The following WDR54 variants were observed in gnomAD, a reference collection of about 807,000 sequenced individuals.
WDR54 encodes WD repeat domain 54.
WDR54 carries 44 observed loss-of-function variants against 44.1 expected under a neutral mutation model. The ratio of observed to expected loss-of-function variants is 1.00; its 90% CI spans 0.78 to 1.28. The LOEUF is 1.28. Among genes scored for constraint, WDR54 ranks in the 50% most tolerant of loss-of-function variants. The pLI, the probability that WDR54 is intolerant of heterozygous loss-of-function variation, is 0.00. For synonymous variants in WDR54, 169 were observed against 169.8 expected (o/e 1.00, Z 0.04); for missense variants, 409 against 429.7 (o/e 0.95, Z 0.43).
rs751332345 is a variant in WDR54 at position 74,425,516 on chromosome 2, T to TG, written c.873+32dup. The TG allele has an allele frequency of 9.3e-6, 15 of 1,613,842 alleles. No individual in the cohort carries two copies. In the South Asian group the frequency reaches 1.1e-4, roughly 12 times the overall value. On this transcript the variant is annotated intron_variant, in intron 9 of 9. Coordinates refer to ENST00000348227, the MANE Select transcript of WDR54 (RefSeq NM_032118.4). ...GGTATGTGTCATGGGGTGGGTGGAA[T>TG]GGGGGGGCCCAAGCATGGGGCAGCA...
At position 74,425,118 on chromosome 2, in the gene WDR54, G is replaced by A; in HGVS notation, c.679G>A (p.Ala227Thr). Reference protein sequence around the residue: ...SVQLWQGIIAAGYGNGQVHLY... With the variant: ...SVQLWQGIIATGYGNGQVHLY... ...GCAGCTGTGGCAGGGGATCATAGCA[G>A]CAGGCTATGGGAACGGACAAGTGCA... Residue 227 changes from alanine to threonine, a missense_variant, in exon 8 of 10, where the codon GCA (alanine) becomes ACA (threonine). By Grantham distance (58) the Ala-to-Thr change is moderately conservative. Coordinates refer to ENST00000348227, the MANE Select transcript of WDR54 (RefSeq NM_032118.4). 1 of 1,581,148 alleles carries A rather than the reference G, an allele frequency of 6.3e-7. No individual in the cohort carries two copies. Among genetic ancestry groups the A allele is most frequent in the Non-Finnish European group, 8.6e-7 (1 of 1,159,790 alleles).
chr2:74,423,557 G>C lies in WDR54; in HGVS notation c.406+26G>C, dbSNP rs757289712. On this transcript the variant is annotated intron_variant, in intron 5 of 9. Transcript: ENST00000348227. ...GTGAGGGAGCCAAGTGCAGGGCATG[G>C]AGGGGTGCTGGGGCATGTGGGCTGT... The C allele has an allele frequency of 1.3e-5, 21 of 1,613,244 alleles. No individual in the cohort carries two copies. In the South Asian group the frequency reaches 1.9e-4, roughly 14 times the overall value.
intron 6 of WDR54, 154 bp downstream of exon 6, chr2:74,424,136 C>A: frequency 1.2e-6 from 1 of 846,286 alleles, no homozygotes; most frequent in Non-Finnish European, 1.8e-6. Context: ...GTGATAAAGC[C>A]AGAGATACTT....
chr2:74,423,524 C>G lies in WDR54; in HGVS notation c.399C>G (p.Ile133Met), dbSNP rs371611800. 6.2e-7 allele frequency: 1 copy of G among 1,613,862 alleles called. No individual in the cohort carries two copies. Among genetic ancestry groups the G allele is most frequent in the Admixed American group, 1.7e-5 (1 of 60,008 alleles). ...GAATTGCTGCCAGTGGCCACTTCAT[C>G]TGTGTGGGTGAGGGAGCCAAGTGCA... ...ARGIAASGHF[I>M]CVGTWSGRVL... Residue 133 changes from isoleucine (I) to methionine (M), a missense_variant, in exon 5 of 10, where the codon ATC becomes ATG. Ile to Met is a conservative substitution (Grantham distance 10). Coordinates refer to ENST00000348227, the MANE Select transcript of WDR54 (RefSeq NM_032118.4).
rs1447819384 is a variant in WDR54 at position 74,422,799 on chromosome 2, A to C, written c.223-71A>C. 10 of 1,413,922 alleles carry C rather than the reference A, an allele frequency of 7.1e-6. No individual in the cohort carries two copies. In the East Asian group the frequency reaches 9.2e-5, roughly 13 times the overall value. 87.6% of individuals were successfully genotyped at this position (1,413,922 alleles called of 1,614,324 possible). On this transcript the variant is annotated intron_variant, in intron 2 of 9. Coordinates refer to ENST00000348227, the MANE Select transcript of WDR54 (RefSeq NM_032118.4). ...CAGAGCAAGACTCCGTCCCCCAAAA[A>C]AAAAAAAAAAACAAACAAACTCATC...
rs1670133935 is a variant in WDR54 at position 74,422,227 on chromosome 2, AGCTGCCGGCTC to A, written c.77_87del (p.Leu26GlnfsTer21). 1 of 1,614,040 alleles carries A rather than the reference AGCTGCCGGCTC, an allele frequency of 6.2e-7. No homozygotes were observed. Among genetic ancestry groups the A allele is most frequent in the Non-Finnish European group, 8.5e-7 (1 of 1,180,040 alleles). ...CTGTGCAACAACCTCAGTGTGCTGC[AGCTGCCGGCTC>A]GCAACCTCACGTATTTTGGCGTGGT... is the stretch of plus-strand genomic sequence containing the variant. On this transcript the variant is annotated frameshift_variant, in exon 2 of 10. Coordinates refer to ENST00000348227, the MANE Select transcript of WDR54 (RefSeq NM_032118.4). LOFTEE classifies it high-confidence loss of function.
At position 74,422,357 on chromosome 2, in the gene WDR54, T is replaced by TC. The variant is rs1353165194; in HGVS notation, c.209dup (p.Leu71ThrfsTer76). 6 of 1,612,606 alleles carry TC rather than the reference T, an allele frequency of 3.7e-6. No individual in the cohort carries two copies. The highest frequency in any genetic ancestry group is 1.1e-5 in the South Asian group (1 of 90,988). On this transcript the variant is annotated frameshift_variant, in exon 2 of 10. Coordinates refer to ENST00000348227, the MANE Select transcript of WDR54 (RefSeq NM_032118.4). LOFTEE classifies it high-confidence loss of function. ...ACGCTAAGGAGGGTGCTGGAGTGAG[T>TC]CCCCCACTTATCACTCAGGTGAGGC...
Position 74,425,132 on chromosome 2 carries a change from C to T in WDR54, c.693C>T (p.Asn231=), listed in dbSNP as rs142674559. ...WQGIIAAGYG[N]GQVHLYEATT... ...GGATCATAGCAGCAGGCTATGGGAA[C>T]GGACAAGTGCATCTATATGAGGCCA... The change falls in exon 8 of 10, where the codon AAC becomes AAT. Residue 231 remains asparagine, a synonymous_variant. Transcript: ENST00000348227. The T allele has an allele frequency of 6.1e-5, 96 of 1,568,732 alleles. No homozygotes were observed. The highest frequency in any genetic ancestry group is 1.8e-4 in the East Asian group (8 of 44,334).
Position 74,422,160 on chromosome 2 carries a change from C to T in WDR54, c.7C>T (p.Arg3Cys), listed in dbSNP as rs1368223341. ...GGCTGCACCCCCACACAGGATGTTC[C>T]GCTGGGAGCGCTCCATTCCCCTGCG... MF[R>C]WERSIPLRGS... is the part of the protein sequence containing the mutation. Residue 3 changes from arginine (R) to cysteine (C), a missense_variant, in exon 2 of 10, where the codon CGC (arginine) becomes TGC (cysteine). Physicochemically the swap from Arg to Cys is radical, Grantham distance 180. Coordinates refer to ENST00000348227, the MANE Select transcript of WDR54 (RefSeq NM_032118.4). 2 of 1,612,392 alleles carry T rather than the reference C, an allele frequency of 1.2e-6. No homozygotes were observed. Among genetic ancestry groups the T allele is most frequent in the African/African-American group, 1.3e-5 (1 of 74,888 alleles).
chr2:74,422,450 G>GCAGGCATGTCCTAACCTCAGAATCTCCC (rs368692433), intron 2 of WDR54, 75 bp downstream of exon 2: 2 of 1,469,562 alleles, frequency 1.4e-6, no homozygotes, highest in South Asian at 1.3e-5. Flanking sequence ...ACCTTCAGGA[G>GCAGGCATGTCCTAACCTCAGAATCTCCC]CAGGCATGTC....
At position 74,423,989 on chromosome 2, in the gene WDR54, G is replaced by A. The variant is rs761053882; in HGVS notation, c.534+7G>A. 6.2e-7 allele frequency: 1 copy of A among 1,613,994 alleles called. No homozygotes were observed. On this transcript the variant is annotated splice_region_variant and intron_variant, in intron 6 of 9. Transcript: ENST00000348227. ...CGAGCCTGCCCAGGGACAGGTGAGT[G>A]GACTTCCCCTACCCATCTGGGAGCC...
At chr2:74,421,946 C>T (rs1472659931) in intron 1 of WDR54, 130 bp downstream of exon 1, 3 of 620,304 alleles carry the variant, frequency 4.8e-6, no homozygotes, top group Non-Finnish European at 8.7e-6. Flanking sequence ...CCCCATTCCT[C>T]CTCTGCGATT....
intron 2 of WDR54, 71 bp from the exon 3 acceptor site, chr2:74,422,799 A>G: frequency 7.1e-7 from 1 of 1,414,040 alleles, no homozygotes; most frequent in East Asian, 2.3e-5. Flanking sequence ...TCCCCCAAAA[A>G]AAAAAAAAAA....
chr2:74,425,347 C>G (rs1002394532), intron 8 of WDR54, 70 bp from the exon 9 acceptor site: 1 of 1,597,514 alleles, frequency 6.3e-7, no homozygotes, highest in Non-Finnish European at 8.5e-7. Flanking sequence ...CCTGGGGCAC[C>G]TGGACTGGGG....
intron 3 of WDR54, 187 bp from the exon 4 acceptor site, chr2:74,423,132 G>C: frequency 1.2e-6 from 1 of 834,838 alleles, no homozygotes; most frequent in Non-Finnish European, 2.0e-6. Flanking sequence ...CCCTTTACTA[G>C]CTGTATGTCC....
rs1276029753 is a variant in WDR54 at position 74,425,472 on chromosome 2, CAG to C, written c.859_860del (p.Ser287TrpfsTer4). 7 of 1,614,080 alleles carry C rather than the reference CAG, an allele frequency of 4.3e-6. No individual in the cohort carries two copies. Among genetic ancestry groups the C allele is most frequent in the East Asian group, 2.2e-5 (1 of 44,904 alleles). ...CATATCTGGAAGCTGAGCAGAAACC[CAG>C]AGAGTGGCTACATTGAGGTATGTGT... is the stretch of plus-strand genomic sequence containing the variant. On this transcript the variant is annotated frameshift_variant, in exon 9 of 10. Coordinates refer to ENST00000348227, the MANE Select transcript of WDR54 (RefSeq NM_032118.4). LOFTEE classifies it high-confidence loss of function.
rs781673771 is a variant in WDR54, at chr2:74,425,648, T to C, written c.952T>C (p.Phe318Leu). The change falls in exon 10 of 10, where the codon TTT becomes CTT. Residue 318 changes from phenylalanine (F) to leucine (L), a missense_variant. Physicochemically the swap from Phe to Leu is conservative, Grantham distance 22. Coordinates refer to ENST00000348227, the MANE Select transcript of WDR54 (RefSeq NM_032118.4). ...ATTTTGTGATTCCTCAGGCAACTCC[T>C]TTGCTGTGACTGGCTATGACCTTGC... Reference protein sequence around the residue: ...ARFCDSSGNSFAVTGYDLAEI... With the variant: ...ARFCDSSGNSLAVTGYDLAEI... 9 of 1,614,098 alleles carry C rather than the reference T, an allele frequency of 5.6e-6. No individual in the cohort carries two copies. The highest frequency in any genetic ancestry group is 3.3e-5 in the Admixed American group (2 of 60,004).
intron 6 of WDR54, among the ~76,000 whole-genome samples, chr2:74,424,192 G>A (rs1220678572): frequency 1.3e-5 from 2 of 152,210 alleles, no homozygotes; most frequent in Admixed American, 1.3e-4. Context: ...TTATAATACT[G>A]ATGTGAAATG....
At chr2:74,423,659 C>T (rs1558533852) in intron 5 of WDR54, 128 bp downstream of exon 5, 3 of 1,437,628 alleles carry the variant, frequency 2.1e-6, no homozygotes, top group Non-Finnish European at 2.9e-6. Context: ...GAATCAGAGA[C>T]TCCAGTAAAC....
Sources: allele counts gnomAD v4.1 joint callset (sites outside exome capture counted in the v4.1 genomes callset), GRCh38; gene constraint gnomAD v4.1.1; transcripts MANE v1.5; gene names NCBI Gene and HGNC (gene_info 2026-07-23, HGNC 2026-07-21).